Variants in ADAM23 observed in about 807,000 individuals in gnomAD.
ADAM23 encodes the protein disintegrin and metalloproteinase domain-containing protein 23.
A neutral mutation model predicts 120.1 loss-of-function variants in ADAM23; 33 were observed. The ratio of observed to expected loss-of-function variants is 0.27; its 90% confidence interval spans 0.21 to 0.37. ADAM23 has a LOEUF of 0.37. Among genes scored for constraint, ADAM23 ranks in the 10% least tolerant of loss-of-function variants. The pLI, the probability that ADAM23 is intolerant of heterozygous loss-of-function variation, is 1.00. For missense variants in ADAM23, 862 were observed against 1,058.2 expected (o/e 0.81, Z 2.57); for synonymous variants, 367 against 375.2 (o/e 0.98, Z 0.25).
chr2:206,532,505 T>C (rs972898992), intron 4 of ADAM23, among the ~76,000 whole-genome samples: 8 of 152,150 alleles, frequency 5.3e-5, no homozygotes, highest in African/African-American at 1.9e-4. Flanking sequence ...TGTTTTTGTG[T>C]TCACTGCTTT....
intron 14 of ADAM23, among the ~76,000 whole-genome samples, chr2:206,565,354 TA>T (rs1368809995): frequency 6.6e-6 from 1 of 152,210 alleles, no homozygotes; most frequent in Non-Finnish European, 1.5e-5. Flanking sequence ...ATTAATTTTT[TA>T]GTACACTTAG....
intron 4 of ADAM23, among the ~76,000 whole-genome samples, chr2:206,541,131 A>C (rs947329656): frequency 6.2e-4 from 94 of 151,572 alleles, no homozygotes; most frequent in African/African-American, 2.2e-3. Context: ...ACGCCATTGC[A>C]CTCCAGCCTG....
intron 2 of ADAM23, among the ~76,000 whole-genome samples, chr2:206,463,165 T>C (rs925812660): frequency 1.3e-5 from 2 of 152,156 alleles, no homozygotes; most frequent in Admixed American, 1.3e-4. Context: ...GTGAATATGT[T>C]CTCTTGCATG....
chr2:206,543,128 A>C (rs946938518), intron 5 of ADAM23, 125 bp from the exon 6 acceptor site: 1 of 780,826 alleles, frequency 1.3e-6, no homozygotes, highest in Non-Finnish European at 2.1e-6. Context: ...AACTTGTGAC[A>C]GTGTAAAGGG....
intron 3 of ADAM23, among the ~76,000 whole-genome samples, chr2:206,487,221 G>A (rs1696032804): frequency 6.6e-6 from 1 of 152,184 alleles, no homozygotes; most frequent in East Asian, 1.9e-4. Flanking sequence ...TCTACATTGA[G>A]GAGAAGAGGC....
intron 1 of ADAM23, among the ~76,000 whole-genome samples, 156 bp downstream of exon 1, chr2:206,444,236 C>T (rs1695027201): frequency 6.6e-6 from 1 of 152,234 alleles, no homozygotes. Context: ...CCCAAACCCC[C>T]ATTCATCCCA....
rs181980754 is a variant in ADAM23, at chr2:206,490,168, C to G, written c.509+8860C>G. Reference sequence around the variant, plus strand: ...TTGGAGGAAAGACCATGTGAAGACACAGTGAGATGGACGGCGGCTGTCTGC... The same window carrying G: ...TTGGAGGAAAGACCATGTGAAGACAGAGTGAGATGGACGGCGGCTGTCTGC... On this transcript the variant is annotated intron_variant, in intron 3 of 25. Transcript: ENST00000264377. Among the ~76,000 whole-genome samples, 53 of 152,316 alleles carry G rather than the reference C, an allele frequency of 3.5e-4. 2 individuals are homozygous for G. The highest frequency in any genetic ancestry group is 1.2e-3 in the African/African-American group (51 of 41,588).
Position 206,526,141 on chromosome 2 carries a change from TACACACACAC to T in ADAM23, c.510-4714_510-4705del, listed in dbSNP as rs59684611. On this transcript the variant is annotated intron_variant, in intron 3 of 25. Coordinates refer to ENST00000264377, the MANE Select transcript of ADAM23 (RefSeq NM_003812.4). ...TCTCATATTCAAGGATTCCAACAAA[TACACACACAC>T]ACACACACACACACACACACACACA... Among the ~76,000 whole-genome samples the T allele has an allele frequency of 4.3e-3, 629 of 145,756 alleles. 4 individuals are homozygous for T. The highest frequency in any genetic ancestry group is 0.014 in the Middle Eastern group (4 of 280).
rs114364468 is a variant in ADAM23, at chr2:206,454,282, G to T, written c.432+8758G>T. Among the ~76,000 whole-genome samples, 500 of 152,144 alleles carry T rather than the reference G, an allele frequency of 3.3e-3. 3 individuals carry two copies. The highest frequency in any genetic ancestry group is 0.011 in the African/African-American group (477 of 41,498). Reference sequence around the variant, plus strand: ...AAGCAAGTCTTACCATGGCATAGCAGGAAAGAGAGAGAGAGAGAAGTGCCA... The same window carrying T: ...AAGCAAGTCTTACCATGGCATAGCATGAAAGAGAGAGAGAGAGAAGTGCCA... On this transcript the variant is annotated intron_variant, in intron 2 of 25. Transcript: ENST00000264377.
intron 2 of ADAM23, among the ~76,000 whole-genome samples, chr2:206,461,888 T>A (rs942018925): frequency 1.3e-5 from 2 of 152,172 alleles, no homozygotes; most frequent in Non-Finnish European, 1.5e-5. Flanking sequence ...AGGACATTTA[T>A]TGCTTGAAAA....
At chr2:206,528,708 A>G (rs147526824) in intron 3 of ADAM23, among the ~76,000 whole-genome samples, 3 of 152,334 alleles carry the variant, frequency 2.0e-5, no homozygotes, top group Admixed American at 6.5e-5. Context: ...ACGGTTTCCT[A>G]ACAAGAAAAC....
At chr2:206,458,010 T>C (rs1695335300) in intron 2 of ADAM23, among the ~76,000 whole-genome samples, 1 of 152,206 alleles carries the variant, frequency 6.6e-6, no homozygotes. Context: ...AGCAAGGAAA[T>C]TGGCATTTTA....
intron 3 of ADAM23, among the ~76,000 whole-genome samples, chr2:206,510,976 CTGTTA>C (rs770458505): frequency 4.9e-4 from 75 of 152,100 alleles, no homozygotes; most frequent in Non-Finnish European, 2.1e-4. Context: ...AAGTTCTGTT[CTGTTA>C]TATTTTTACC....
At chr2:206,574,115 C>T (rs1455808258) in intron 18 of ADAM23, among the ~76,000 whole-genome samples, 10 of 152,078 alleles carry the variant, frequency 6.6e-5, no homozygotes, top group East Asian at 1.9e-4. Flanking sequence ...TCACAAAGCC[C>T]GTCACACACT....
chr2:206,607,922 C>A, intron 24 of ADAM23: 2 of 422,208 alleles, frequency 4.7e-6, no homozygotes, highest in South Asian at 1.7e-5. Context: ...AGTCAGGAAT[C>A]ATTTTTCATG....
At chr2:206,568,124 T>G (rs1488644596) in intron 15 of ADAM23, among the ~76,000 whole-genome samples, 1 of 150,820 alleles carries the variant, frequency 6.6e-6, no homozygotes, top group East Asian at 1.9e-4. Flanking sequence ...TTGACTTTTG[T>G]TTTTTTTTGA....
At chr2:206,463,151 ACC>A (rs1695460379) in intron 2 of ADAM23, among the ~76,000 whole-genome samples, 1 of 152,208 alleles carries the variant, frequency 6.6e-6, no homozygotes, top group Non-Finnish European at 1.5e-5. Flanking sequence ...AATCTCCAAC[ACC>A]TGTGAATATG....
chr2:206,536,004 A>G (rs902756402), intron 4 of ADAM23, among the ~76,000 whole-genome samples: 3 of 152,178 alleles, frequency 2.0e-5, no homozygotes, highest in African/African-American at 7.2e-5. Flanking sequence ...ACAATAAAAA[A>G]CCCAGGTGGG....
Position 206,525,876 on chromosome 2 carries a change from C to A in ADAM23, c.510-5009C>A, listed in dbSNP as rs552629717. On this transcript the variant is annotated intron_variant, in intron 3 of 25. Coordinates refer to ENST00000264377, the MANE Select transcript of ADAM23 (RefSeq NM_003812.4). ...AAATGCTGAGATTATAGGCATGAGCCACCGCGTCTGGCTGGTTCTTTGTTT... is the reference window on the plus strand; with the variant it reads ...AAATGCTGAGATTATAGGCATGAGCAACCGCGTCTGGCTGGTTCTTTGTTT... Among the ~76,000 whole-genome samples the A allele has an allele frequency of 1.0e-3, 159 of 152,190 alleles. 1 individual carries two copies. The highest frequency in any genetic ancestry group is 3.6e-3 in the African/African-American group (149 of 41,528).
Sources: gnomAD v4.1 joint callset for allele counts (sites outside exome capture counted in the v4.1 genomes callset) on GRCh38, gnomAD v4.1.1 for gene constraint, MANE v1.5 for transcripts, NCBI Gene and HGNC (gene_info 2026-07-23, HGNC 2026-07-21) for gene names.